OPCML: variants seen among roughly 807,000 people sequenced by gnomAD.
The protein encoded by OPCML is opioid-binding protein/cell adhesion molecule.
A neutral mutation model predicts 37.8 loss-of-function variants in OPCML; 13 were observed. That is an observed-to-expected ratio of 0.34 (90% CI 0.22 to 0.55). The LOEUF (loss-of-function observed/expected upper bound fraction) is 0.55, where lower values mean the gene tolerates loss of function less well. Ranked by LOEUF, OPCML falls within the 20% of genes least tolerant of loss-of-function variation. OPCML has a pLI of 0.91. For missense variants in OPCML, 341 were observed against 435.6 expected, an observed-to-expected ratio of 0.78 and a Z score of 1.93; for synonymous variants, 176 against 168.8, an observed-to-expected ratio of 1.04 and a Z score of -0.33.
At chr11:133,209,221 T>C (rs1434097750) in intron 1 of OPCML, among the ~76,000 whole-genome samples, 1 of 152,258 alleles carries the variant, frequency 6.6e-6, no homozygotes, top group East Asian at 1.9e-4. Context: ...ACAAGGACTG[T>C]GTGAGACATG....
At chr11:132,903,550 T>A (rs1944134361) in intron 2 of OPCML, among the ~76,000 whole-genome samples, 1 of 152,148 alleles carries the variant, frequency 6.6e-6, no homozygotes, top group Non-Finnish European at 1.5e-5. Flanking sequence ...CATGCCTCAT[T>A]ATACCCTCCT....
At chr11:133,280,191 CT>C in intron 1 of OPCML, among the ~76,000 whole-genome samples, 1 of 152,198 alleles carries the variant, frequency 6.6e-6, no homozygotes, top group African/African-American at 2.4e-5. Context: ...TTCATTGTAT[CT>C]TTCCATTTAC....
chr11:132,440,903 A>G (rs1279227156), intron 4 of OPCML, among the ~76,000 whole-genome samples: 3 of 152,118 alleles, frequency 2.0e-5, no homozygotes, highest in African/African-American at 7.2e-5. Context: ...TCTGGTTGCA[A>G]TGTAAAGTTC....
intron 1 of OPCML, among the ~76,000 whole-genome samples, chr11:133,217,126 C>G (rs1036656609): frequency 1.3e-5 from 2 of 152,090 alleles, no homozygotes; most frequent in African/African-American, 4.8e-5. Context: ...CTTCAGAGAG[C>G]AGGTACAGCC....
chr11:133,172,151 TAGAC>T (rs1361050380), intron 1 of OPCML, among the ~76,000 whole-genome samples: 1 of 152,176 alleles, frequency 6.6e-6, no homozygotes, highest in Admixed American at 6.5e-5. Flanking sequence ...ACTTTGAAGA[TAGAC>T]TCATTCATTC....
chr11:132,760,555 C>T (rs546540884), intron 2 of OPCML, among the ~76,000 whole-genome samples: 2 of 149,884 alleles, frequency 1.3e-5, no homozygotes, highest in Non-Finnish European at 3.0e-5. Context: ...TTATGTAATG[C>T]CCTTCTTTTT....
At chr11:133,168,337 G>A (rs1950242154) in intron 1 of OPCML, among the ~76,000 whole-genome samples, 1 of 152,170 alleles carries the variant, frequency 6.6e-6, no homozygotes, top group Non-Finnish European at 1.5e-5. Flanking sequence ...GGCTTGGGGG[G>A]AAGAGAGCAG....
chr11:133,288,554 T>A (rs55710133), intron 1 of OPCML, among the ~76,000 whole-genome samples: 46,581 of 152,040 alleles, frequency 0.31, 8,672 homozygotes, highest in East Asian at 0.75. Context: ...ACAGCTCACA[T>A]AAGAGGAGCT....
chr11:133,115,555 AAGAC>A (rs1429768715), intron 1 of OPCML, among the ~76,000 whole-genome samples: 3 of 152,078 alleles, frequency 2.0e-5, no homozygotes, highest in East Asian at 1.9e-4. Flanking sequence ...ACACTCAAAA[AAGAC>A]AGAAAAAAAA....
intron 3 of OPCML, among the ~76,000 whole-genome samples, chr11:132,627,564 A>G (rs556749021): frequency 8.6e-6 from 1 of 116,370 alleles, no homozygotes; most frequent in Non-Finnish European, 1.7e-5. Flanking sequence ...CTAACAAAAC[A>G]TCATGAATTT....
At chr11:132,993,998 C>T (rs1266524282) in intron 1 of OPCML, among the ~76,000 whole-genome samples, 2 of 152,242 alleles carry the variant, frequency 1.3e-5, no homozygotes, top group Non-Finnish European at 2.9e-5. Context: ...ATCTCTCCAC[C>T]TCCGCAGGGA....
intron 1 of OPCML, among the ~76,000 whole-genome samples, chr11:132,962,937 C>G (rs534214129): frequency 6.6e-6 from 1 of 152,352 alleles, no homozygotes; most frequent in East Asian, 1.9e-4. Context: ...GAAGACAAAA[C>G]AGAGACTGTT....
intron 1 of OPCML, among the ~76,000 whole-genome samples, chr11:133,140,528 T>TAAGAAGAAG (rs1489312604): frequency 0.023 from 1,423 of 61,050 alleles, 13 homozygotes; most frequent in Middle Eastern, 0.089. Flanking sequence ...ATAATAATAA[T>TAAGAAGAAG]AATAAGAAGA....
At chr11:132,797,208 T>C (rs1021707212) in intron 2 of OPCML, among the ~76,000 whole-genome samples, 1 of 152,234 alleles carries the variant, frequency 6.6e-6, no homozygotes, top group Non-Finnish European at 1.5e-5. Context: ...TTTACTTCTG[T>C]ATTTTCTTAT....
intron 1 of OPCML, among the ~76,000 whole-genome samples, chr11:133,055,983 T>C (rs576903071): frequency 1.3e-5 from 2 of 151,690 alleles, no homozygotes; most frequent in East Asian, 3.9e-4. Context: ...CATACAATGC[T>C]GCCTCCATGA....
chr11:132,946,000 T>G (rs1945738963), intron 1 of OPCML, among the ~76,000 whole-genome samples: 1 of 152,212 alleles, frequency 6.6e-6, no homozygotes, highest in Non-Finnish European at 1.5e-5. Flanking sequence ...GTCAGGATGG[T>G]TTCGATCTCC....
intron 1 of OPCML, among the ~76,000 whole-genome samples, chr11:133,435,208 T>G (rs1210745758): frequency 2.6e-5 from 4 of 152,288 alleles, no homozygotes; most frequent in Non-Finnish European, 5.9e-5. Context: ...ATAGTAAGAT[T>G]CATGAATATG....
At chr11:133,146,331 T>C (rs1949896329) in intron 1 of OPCML, among the ~76,000 whole-genome samples, 1 of 138,702 alleles carries the variant, frequency 7.2e-6, no homozygotes, top group Non-Finnish European at 1.5e-5. Context: ...TTTTTTTTTT[T>C]GAGACAGAGT....
chr11:133,166,551 T>C (rs1413240227), intron 1 of OPCML, among the ~76,000 whole-genome samples: 1 of 151,994 alleles, frequency 6.6e-6, no homozygotes, highest in Non-Finnish European at 1.5e-5. Flanking sequence ...GAGGAAGGAG[T>C]GATTTCTTCT....
Sources: gnomAD v4.1 joint callset for allele counts (sites outside exome capture counted in the v4.1 genomes callset) on GRCh38, gnomAD v4.1.1 for gene constraint, MANE v1.5 for transcripts, NCBI Gene and HGNC (gene_info 2026-07-23, HGNC 2026-07-21) for gene names.